Variants in FAM131A observed in about 807,000 individuals in gnomAD.
The protein encoded by FAM131A is family with sequence similarity 131 member A.
A neutral mutation model predicts 39.2 loss-of-function variants in FAM131A; 24 were observed. That is an observed-to-expected ratio of 0.61 (90% CI 0.44 to 0.86). The LOEUF (loss-of-function observed/expected upper bound fraction) is 0.86, where lower values mean the gene tolerates loss of function less well. FAM131A is among the 40% of genes least tolerant of loss of function. FAM131A has a pLI of 0.00. For synonymous variants in FAM131A, 202 were observed against 206.8 expected, an observed-to-expected ratio of 0.98 and a Z score of 0.20; for missense variants, 373 against 481.2, an observed-to-expected ratio of 0.78 and a Z score of 2.10.
chr3:184,341,994 C>A (rs759559677), intron 3 of FAM131A, 72 bp from the exon 4 acceptor site: 5 of 1,586,258 alleles, frequency 3.2e-6, no homozygotes, highest in Non-Finnish European at 4.3e-6. Flanking sequence ...TACTGCCACC[C>A]TTCCACCTCC....
chr3:184,342,817 T>G lies in FAM131A; in HGVS notation c.582T>G (p.Thr194=). ...CTTCGGTGGATGGCGAGGACTCCAC[T>G]GATGACTCCTATGATGAGGACTTTG... ...AWSSVDGEDS[T]DDSYDEDFAG... is the part of the protein sequence containing the mutation. The change falls in exon 5 of 6, where the codon ACT becomes ACG. Residue 194 remains threonine (T), a synonymous_variant. Coordinates refer to ENST00000383847, the MANE Select transcript of FAM131A (RefSeq NM_144635.5). This position sits in a 1 kb window ranked among gnomAD's most constrained non-coding sequence, Gnocchi z 4.6. 2.5e-6 allele frequency: 4 copies of G among 1,613,982 alleles called. 1 individual carries two copies. In the South Asian group the frequency reaches 4.4e-5, roughly 18 times the overall value.
In FAM131A at chr3:184,345,355, C is replaced by T; in HGVS notation, c.*385C>T. 3 of 601,066 alleles carry T rather than the reference C, an allele frequency of 5.0e-6. No homozygotes were observed. The highest frequency in any genetic ancestry group is 8.8e-6 in the Non-Finnish European group (3 of 339,988). The allele number at this position is 601,066 out of a possible 1,614,324, so 37.2% of individuals were successfully genotyped here. A position where few individuals can be genotyped will look rare whatever the true frequency, so the allele number is the denominator to read the frequency against. On this transcript the variant is annotated 3_prime_UTR_variant, in exon 6 of 6. Transcript: ENST00000383847. ...GGTGGGAGGGGGCCCAGCAACCCCC[C>T]ACCCTCCCCATGCCTCTCTCTTCTC...
chr3:184,341,514 G>T, intron 2 of FAM131A: 1 of 593,234 alleles, frequency 1.7e-6, no homozygotes, highest in South Asian at 2.0e-5. Context: ...TGCTTCTCGG[G>T]GCCTGTCTGA....
At chr3:184,337,744 T>G (rs1016094184) in intron 1 of FAM131A, 26 bp downstream of exon 1, 1 of 1,534,376 alleles carries the variant, frequency 6.5e-7, no homozygotes, top group African/African-American at 1.4e-5. Flanking sequence ...ATGGATGTGA[T>G]CTGGGAGATG....
At chr3:184,338,652 C>T (rs1016158821) in intron 2 of FAM131A, 123 bp downstream of exon 2, 97 of 1,355,376 alleles carry the variant, frequency 7.2e-5, no homozygotes, top group South Asian at 7.1e-5. Flanking sequence ...AGGCGCTATC[C>T]GGCGGCGGGC....
Position 184,345,680 on chromosome 3 carries a change from G to A in FAM131A, c.*710G>A, listed in dbSNP as rs1043220433. The A allele has an allele frequency of 6.1e-6, 4 of 652,422 alleles. No homozygotes were observed. In the African/African-American group the frequency reaches 7.3e-5, roughly 12 times the overall value. The allele number at this position is 652,422 out of a possible 1,614,324, so 40.4% of individuals were successfully genotyped here. A position where few individuals can be genotyped will look rare whatever the true frequency, so the allele number is the denominator to read the frequency against. ...TTTCCTGGCCCCCTAATGGGGCCTG[G>A]GCCCTTTCCCAACCCCTCCTAGGAT... On this transcript the variant is annotated 3_prime_UTR_variant, in exon 6 of 6. Coordinates refer to ENST00000383847, the MANE Select transcript of FAM131A (RefSeq NM_144635.5).
intron 2 of FAM131A, chr3:184,340,426 A>G (rs1196818002): frequency 6.9e-6 from 1 of 145,628 alleles, no homozygotes; most frequent in African/African-American, 2.6e-5. Flanking sequence ...GTCCTGGTTC[A>G]AGCAATTTTC....
chr3:184,338,184 G>A (rs1464164683), intron 1 of FAM131A, among the ~76,000 whole-genome samples: 1 of 152,128 alleles, frequency 6.6e-6, no homozygotes, highest in East Asian at 1.9e-4. Context: ...GGTGGCAAGT[G>A]GGCTGCCACA....
chr3:184,344,873 T>C lies in FAM131A; in HGVS notation c.1004T>C (p.Leu335Pro). ...CKDCQPLCPPLTGSWERQRQA... is the reference protein window; with the variant it reads ...CKDCQPLCPPPTGSWERQRQA... ...GACTGCCAGCCACTCTGCCCACCAC[T>C]AACGGGCAGCTGGGAACGGCAGCGG... The change falls in exon 6 of 6, where the codon CTA becomes CCA. Residue 335 changes from leucine to proline, a missense_variant. Leu to Pro is a moderately conservative substitution (Grantham distance 98). Around this residue, in one of 2 missense-constraint regions of FAM131A, gnomAD observed 152 missense variants for 133.5 expected, o/e 1.14. Coordinates refer to ENST00000383847, the MANE Select transcript of FAM131A (RefSeq NM_144635.5). 1 of 1,610,968 alleles carries C rather than the reference T, an allele frequency of 6.2e-7. No homozygotes were observed. Among genetic ancestry groups the C allele is most frequent in the Non-Finnish European group, 8.5e-7 (1 of 1,179,872 alleles).
chr3:184,343,813 C>T (rs1402737336), intron 5 of FAM131A, among the ~76,000 whole-genome samples: 1 of 152,230 alleles, frequency 6.6e-6, no homozygotes, highest in Non-Finnish European at 1.5e-5. Flanking sequence ...GAAAAAGGCA[C>T]CCCTTTCTCT....
chr3:184,337,502 A>G, upstream of FAM131A: 1 of 782,722 alleles, frequency 1.3e-6, no homozygotes, highest in Non-Finnish European at 2.1e-6. Context: ...TGTTCTCCTT[A>G]TGTGACTAGG....
In FAM131A at chr3:184,344,674, G is replaced by A; in HGVS notation, c.805G>A (p.Ala269Thr). The A allele has an allele frequency of 6.2e-7, 1 of 1,612,414 alleles. No individual in the cohort carries two copies. The highest frequency in any genetic ancestry group is 8.5e-7 in the Non-Finnish European group (1 of 1,179,788). The change falls in exon 6 of 6, where the codon GCC (alanine) becomes ACC (threonine). Residue 269 changes from alanine (A) to threonine (T), a missense_variant. By Grantham distance (58) the Ala-to-Thr change is moderately conservative. Transcript: ENST00000383847. ...GGAGGATGGGTTGTTGGGCTCCCCG[G>A]CCCGGCTGGCCTCCCAGCTGCTGGG... is the stretch of plus-strand genomic sequence containing the variant. ...SLEDGLLGSPARLASQLLGDE... is the reference protein window; with the variant it reads ...SLEDGLLGSPTRLASQLLGDE...
chr3:184,343,458 T>C (rs1727474376), intron 5 of FAM131A, among the ~76,000 whole-genome samples: 2 of 152,236 alleles, frequency 1.3e-5, no homozygotes, highest in Admixed American at 1.3e-4. Flanking sequence ...CTTTCATCTT[T>C]CATTCCCTAG....
rs780810708 is a variant in FAM131A, at chr3:184,344,683, G to C, written c.814G>C (p.Ala272Pro). 25 of 1,612,390 alleles carry C rather than the reference G, an allele frequency of 1.6e-5. No individual in the cohort carries two copies. Among genetic ancestry groups the C allele is most frequent in the South Asian group, 9.9e-5 (9 of 91,012 alleles). ...GTTGTTGGGCTCCCCGGCCCGGCTG[G>C]CCTCCCAGCTGCTGGGCGATGAGCT... ...DGLLGSPARL[A>P]SQLLGDELLL... The change falls in exon 6 of 6, where the codon GCC (alanine) becomes CCC (proline). Residue 272 changes from alanine (A) to proline (P), a missense_variant. Physicochemically the swap from Ala to Pro is conservative, Grantham distance 27. Around this residue, in one of 2 missense-constraint regions of FAM131A, gnomAD observed 152 missense variants for 133.5 expected, o/e 1.14. Transcript: ENST00000383847.
Position 184,345,564 on chromosome 3 carries a change from T to C in FAM131A, c.*594T>C. 1 of 703,320 alleles carries C rather than the reference T, an allele frequency of 1.4e-6. No individual in the cohort carries two copies. The highest frequency in any genetic ancestry group is 1.5e-5 in the South Asian group (1 of 67,604). The allele number at this position is 703,320 out of a possible 1,614,324, so 43.6% of individuals were successfully genotyped here. ...GTCTCTAAATCTTCCTCTTTTTTCCTAAAGACAGAAGGTTTTTGGTCTGTT... is the reference window on the plus strand; with the variant it reads ...GTCTCTAAATCTTCCTCTTTTTTCCCAAAGACAGAAGGTTTTTGGTCTGTT... On this transcript the variant is annotated 3_prime_UTR_variant, in exon 6 of 6. Transcript: ENST00000383847.
Position 184,345,030 on chromosome 3 carries a change from G to A in FAM131A, c.*60G>A. On this transcript the variant is annotated 3_prime_UTR_variant, in exon 6 of 6. Coordinates refer to ENST00000383847, the MANE Select transcript of FAM131A (RefSeq NM_144635.5). ...GGCTGCTGCCAGGGGCAGAGCCTCT[G>A]TGCCCAAGTGTGGGCTCAAGGCTCC... The A allele has an allele frequency of 3.5e-6, 5 of 1,412,284 alleles. No homozygotes were observed. Among genetic ancestry groups the A allele is most frequent in the Non-Finnish European group, 4.7e-6 (5 of 1,069,828 alleles). The allele number at this position is 1,412,284 out of a possible 1,614,324, so 87.5% of individuals were successfully genotyped here.
chr3:184,343,811 C>T (rs1451073431), intron 5 of FAM131A, among the ~76,000 whole-genome samples: 2 of 152,244 alleles, frequency 1.3e-5, no homozygotes, highest in African/African-American at 4.8e-5. Context: ...TAGAAAAAGG[C>T]ACCCCTTTCT....
intron 2 of FAM131A, chr3:184,340,468 A>T (rs1391894967): frequency 6.6e-6 from 1 of 151,322 alleles, no homozygotes; most frequent in Admixed American, 6.6e-5. Flanking sequence ...CTGGGATTAC[A>T]GGAACGTGCC....
Position 184,338,542 on chromosome 3 carries a change from T to C in FAM131A, c.231+13T>C. On this transcript the variant is annotated intron_variant, in intron 2 of 5. Coordinates refer to ENST00000383847, the MANE Select transcript of FAM131A (RefSeq NM_144635.5). ...GGACTTGCCAGAGGTGCTGGGCCCCTGGTGGTGGGGGGAAGGAGGACGTCA... is the reference window on the plus strand; with the variant it reads ...GGACTTGCCAGAGGTGCTGGGCCCCCGGTGGTGGGGGGAAGGAGGACGTCA... 6.5e-7 allele frequency: 1 copy of C among 1,534,882 alleles called. No individual in the cohort carries two copies.
Sources: allele counts gnomAD v4.1 joint callset (sites outside exome capture counted in the v4.1 genomes callset), GRCh38; gene constraint gnomAD v4.1.1; regional missense constraint gnomAD v4.1.1; non-coding constraint Gnocchi (gnomAD v3.1); transcripts MANE v1.5; gene names NCBI Gene and HGNC (gene_info 2026-07-23, HGNC 2026-07-21).